The following TRPS1 variants were observed in gnomAD, a reference collection of about 807,000 sequenced individuals.
The protein encoded by TRPS1 is zinc finger transcription factor Trps1.
In TRPS1, 6 loss-of-function variants were observed where a neutral mutation model predicts 101.2. That is an observed-to-expected ratio of 0.06 (90% confidence interval 0.03 to 0.12). TRPS1 has a LOEUF of 0.12. TRPS1 is among the 10% of genes least tolerant of loss of function. The probability of loss-of-function intolerance (pLI) is 1.00; values close to 1 mark genes in which losing one functional copy is unlikely to be tolerated. For missense variants in TRPS1, 1,363 were observed against 1,567.0 expected (o/e 0.87, Z 2.20); for synonymous variants, 578 against 589.8 (o/e 0.98, Z 0.29).
At chr8:115,480,543 A>T (rs144571018) in intron 5 of TRPS1, among the ~76,000 whole-genome samples, 3,813 of 152,050 alleles carry the variant, frequency 0.025, 151 homozygotes, top group African/African-American at 0.086. Flanking sequence ...GTAAAGATTG[A>T]TTTTTATTGT....
intron 5 of TRPS1, among the ~76,000 whole-genome samples, chr8:115,458,576 A>G (rs1563745739): frequency 6.6e-6 from 1 of 152,168 alleles, no homozygotes. Flanking sequence ...TAATTTTGCT[A>G]TACTTTAAAT....
At chr8:115,502,409 T>G (rs775100451) in intron 5 of TRPS1, among the ~76,000 whole-genome samples, 1 of 152,146 alleles carries the variant, frequency 6.6e-6, no homozygotes, top group Non-Finnish European at 1.5e-5. Context: ...TTCCCTCCCC[T>G]TATTTCTTTG....
chr8:115,519,815 T>C (rs1815813570), intron 5 of TRPS1, among the ~76,000 whole-genome samples: 1 of 151,662 alleles, frequency 6.6e-6, no homozygotes, highest in Non-Finnish European at 1.5e-5. Context: ...TCTATGACAG[T>C]TCAAAAGAAA....
intron 1 of TRPS1, among the ~76,000 whole-genome samples, chr8:115,629,853 T>C (rs1323385613): frequency 6.6e-6 from 1 of 151,872 alleles, no homozygotes; most frequent in Non-Finnish European, 1.5e-5. Flanking sequence ...CAGATCCACC[T>C]ATCCTAACAA....
At chr8:115,631,111 C>T (rs2721948) in intron 1 of TRPS1, among the ~76,000 whole-genome samples, 110,642 of 151,846 alleles carry the variant, frequency 0.73, 41,648 homozygotes, top group African/African-American at 0.92. Flanking sequence ...AAACTACATG[C>T]CTCTAAAATG....
In TRPS1 at chr8:115,422,542, T is replaced by C. The variant is rs150423128; in HGVS notation, c.2701-4090A>G. Reference sequence around the variant, plus strand: ...CCACCATGCCTGGCTAATTCTTGTATTTTTAGTGGGGTCGGGTTTCACCAC... The same window carrying C: ...CCACCATGCCTGGCTAATTCTTGTACTTTTAGTGGGGTCGGGTTTCACCAC... On this transcript the variant is annotated intron_variant, in intron 5 of 6. Coordinates refer to ENST00000395715, the MANE Select transcript of TRPS1 (RefSeq NM_014112.5). Among the ~76,000 whole-genome samples the C allele has an allele frequency of 3.0e-3, 461 of 152,228 alleles. 2 individuals carry two copies. Among genetic ancestry groups the C allele is most frequent in the Non-Finnish European group, 5.1e-3 (349 of 68,008 alleles).
At chr8:115,653,770 C>A (rs571617237) in intron 1 of TRPS1, among the ~76,000 whole-genome samples, 3 of 152,280 alleles carry the variant, frequency 2.0e-5, no homozygotes, top group Non-Finnish European at 4.4e-5. Flanking sequence ...CTTCACCCTG[C>A]GACTCAAGAT....
chr8:115,477,373 C>T (rs1445947612), intron 5 of TRPS1, among the ~76,000 whole-genome samples: 3 of 152,212 alleles, frequency 2.0e-5, no homozygotes, highest in East Asian at 3.8e-4. Context: ...GCACCATTAG[C>T]TCTGGACTAG....
intron 5 of TRPS1, among the ~76,000 whole-genome samples, chr8:115,547,154 C>T (rs1816593173): frequency 6.6e-6 from 1 of 151,984 alleles, no homozygotes; most frequent in African/African-American, 2.4e-5. Flanking sequence ...CATAAAAATG[C>T]CATATCAAAT....
At chr8:115,578,657 A>T (rs1249545779) in intron 5 of TRPS1, among the ~76,000 whole-genome samples, 1 of 152,080 alleles carries the variant, frequency 6.6e-6, no homozygotes, top group Non-Finnish European at 1.5e-5. Flanking sequence ...ACAGGGAGGT[A>T]CATGATCCTA....
intron 1 of TRPS1, among the ~76,000 whole-genome samples, chr8:115,640,392 G>A (rs984216534): frequency 5.9e-5 from 9 of 152,130 alleles, no homozygotes; most frequent in Non-Finnish European, 1.3e-4. Context: ...AATCACTGAA[G>A]GACATAATAT....
chr8:115,654,172 T>C (rs901587762), intron 1 of TRPS1, among the ~76,000 whole-genome samples: 7 of 152,212 alleles, frequency 4.6e-5, no homozygotes, highest in African/African-American at 1.4e-4. Flanking sequence ...AGCTTAACTA[T>C]AATCAATAAA....
chr8:115,434,952 C>T (rs527256580), intron 5 of TRPS1, among the ~76,000 whole-genome samples: 19 of 152,314 alleles, frequency 1.2e-4, no homozygotes, highest in African/African-American at 4.3e-4. Flanking sequence ...GAGTCTGCTT[C>T]CCACAAAATC....
chr8:115,429,872 C>T (rs1015664435), intron 5 of TRPS1, among the ~76,000 whole-genome samples: 4 of 152,050 alleles, frequency 2.6e-5, no homozygotes, highest in African/African-American at 7.2e-5. Flanking sequence ...CAAGAAATTA[C>T]CCACAATTAT....
intron 5 of TRPS1, among the ~76,000 whole-genome samples, chr8:115,461,251 G>GGATAGATAGATA (rs67435707): frequency 4.1e-5 from 6 of 144,734 alleles, no homozygotes; most frequent in East Asian, 2.0e-4. Flanking sequence ...AAATAGACAA[G>GGATAGATAGATA]GATAGATAGA....
At chr8:115,530,725 A>G (rs1196140194) in intron 5 of TRPS1, among the ~76,000 whole-genome samples, 1 of 152,188 alleles carries the variant, frequency 6.6e-6, no homozygotes, top group Non-Finnish European at 1.5e-5. Flanking sequence ...TGTGGCACAT[A>G]TACACCATGG....
chr8:115,655,194 T>C (rs1811650768), intron 1 of TRPS1, among the ~76,000 whole-genome samples: 1 of 152,188 alleles, frequency 6.6e-6, no homozygotes, highest in South Asian at 2.1e-4. Flanking sequence ...AATGTTCACT[T>C]TGATATACCT....
intron 1 of TRPS1, among the ~76,000 whole-genome samples, chr8:115,662,401 G>A (rs941701532): frequency 5.3e-5 from 8 of 151,970 alleles, no homozygotes; most frequent in Admixed American, 2.0e-4. Flanking sequence ...ACAAGTAACC[G>A]TAAGATTTAA....
At chr8:115,524,838 A>C (rs976388075) in intron 5 of TRPS1, among the ~76,000 whole-genome samples, 3 of 152,190 alleles carry the variant, frequency 2.0e-5, no homozygotes, top group Admixed American at 2.0e-4. Context: ...ATCGATCAAC[A>C]TAATTTTACA....
Sources: gnomAD v4.1 joint callset for allele counts (sites outside exome capture counted in the v4.1 genomes callset) on GRCh38, gnomAD v4.1.1 for gene constraint, MANE v1.5 for transcripts, NCBI Gene and HGNC (gene_info 2026-07-23, HGNC 2026-07-21) for gene names.